The following CDH7 variants were observed in gnomAD, a reference collection of about 807,000 sequenced individuals.
CDH7 encodes the protein cadherin-7.
CDH7 carries 25 observed loss-of-function variants against 71.8 expected under a neutral mutation model. The ratio of observed to expected loss-of-function variants is 0.35; its 90% CI spans 0.25 to 0.49. The LOEUF (loss-of-function observed/expected upper bound fraction) is 0.49. CDH7 is among the 20% of genes least tolerant of loss of function. CDH7 has a pLI of 0.99. For synonymous variants in CDH7, 381 were observed against 363.8 expected (o/e 1.05, Z -0.54); for missense variants, 862 against 974.6 (o/e 0.88, Z 1.54).
At position 65,858,940 on chromosome 18, in the gene CDH7, T is replaced by A. The variant is rs1913462883; in HGVS notation, c.1388T>A (p.Val463Glu). The change falls in exon 9 of 12, where the codon GTA (valine) becomes GAA (glutamate). Residue 463 changes from valine (V) to glutamate (E), a missense_variant. Coordinates refer to ENST00000397968, the MANE Select transcript of CDH7 (RefSeq NM_004361.5). ...TATTTATTAGAGAATCCATCTCAAG[T>A]AGGAAGAGGCTATGTGGCCATCACT... ...LAMESQNPSQ[V>E]GRGYVAITIL... is the part of the protein sequence containing the mutation. 1 of 1,612,084 alleles carries A rather than the reference T, an allele frequency of 6.2e-7. No homozygotes were observed. Among genetic ancestry groups the A allele is most frequent in the Non-Finnish European group, 8.5e-7 (1 of 1,178,438 alleles).
chr18:65,786,287 G>T (rs1394368022), intron 2 of CDH7, among the ~76,000 whole-genome samples: 2 of 151,578 alleles, frequency 1.3e-5, no homozygotes, highest in African/African-American at 2.4e-5. Flanking sequence ...ATAACCAAGG[G>T]TAGATATGAG....
At chr18:65,755,825 C>A (rs947347091) in intron 1 of CDH7, among the ~76,000 whole-genome samples, 3 of 152,092 alleles carry the variant, frequency 2.0e-5, no homozygotes, top group African/African-American at 7.2e-5. Flanking sequence ...ACAGTGGCAG[C>A]TGTACTGGGG....
At chr18:65,839,391 T>C (rs1420372916) in intron 6 of CDH7, among the ~76,000 whole-genome samples, 3 of 152,114 alleles carry the variant, frequency 2.0e-5, no homozygotes, top group Non-Finnish European at 4.4e-5. Flanking sequence ...GAGGGAGCTC[T>C]CTGAGGTCTC....
chr18:65,807,120 C>T (rs985425302), intron 2 of CDH7, among the ~76,000 whole-genome samples: 7 of 151,186 alleles, frequency 4.6e-5, no homozygotes, highest in Non-Finnish European at 8.8e-5. Context: ...GGGTGGGGCA[C>T]GGCTGGGGCA....
chr18:65,862,277 A>G (rs1913591698), intron 10 of CDH7, among the ~76,000 whole-genome samples: 1 of 152,168 alleles, frequency 6.6e-6, no homozygotes, highest in Non-Finnish European at 1.5e-5. Context: ...TATCTGTGCT[A>G]TATGATGATA....
intron 6 of CDH7, among the ~76,000 whole-genome samples, chr18:65,829,304 G>T (rs1912248175): frequency 6.6e-6 from 1 of 151,962 alleles, no homozygotes; most frequent in Non-Finnish European, 1.5e-5. Context: ...ATTTTTAGTA[G>T]AGACGGGGTT....
At position 65,859,797 on chromosome 18, in the gene CDH7, C is replaced by A; in HGVS notation, c.1584C>A (p.Asn528Lys). Reference protein sequence around the residue: ...YFSLTTDATNNHNFSLKDNKD... With the variant: ...YFSLTTDATNKHNFSLKDNKD... ...GCTTAACAACGGATGCAACAAATAA[C>A]CACAACTTTTCATTGAAAGATAACA... The change falls in exon 10 of 12, where the codon AAC (asparagine) becomes AAA (lysine). Residue 528 changes from asparagine to lysine, a missense_variant. Transcript: ENST00000397968. 2 of 1,603,768 alleles carry A rather than the reference C, an allele frequency of 1.2e-6. No homozygotes were observed. Among genetic ancestry groups the A allele is most frequent in the Non-Finnish European group, 1.7e-6 (2 of 1,170,770 alleles).
chr18:65,854,932 T>TATATGTATATATAC (rs67623413), intron 7 of CDH7, among the ~76,000 whole-genome samples: 2 of 148,774 alleles, frequency 1.3e-5, no homozygotes, highest in South Asian at 4.2e-4. Flanking sequence ...TATATATATA[T>TATATGTATATATAC]ACACACACAT....
chr18:65,781,771 C>CTTTCTTTCTTTCTTTCTTTCT (rs1568181257), intron 2 of CDH7, among the ~76,000 whole-genome samples: 3 of 39,076 alleles, frequency 7.7e-5, no homozygotes, highest in Non-Finnish European at 1.0e-4. Context: ...TCTTTCTTTC[C>CTTTCTTTCTTTCTTTCTTTCT]TTCCTTCCTT....
At chr18:65,867,912 G>T (rs1161144088) in intron 11 of CDH7, among the ~76,000 whole-genome samples, 1 of 152,192 alleles carries the variant, frequency 6.6e-6, no homozygotes, top group Non-Finnish European at 1.5e-5. Flanking sequence ...TTGACAGTTA[G>T]CTGTCATGCA....
intron 11 of CDH7, among the ~76,000 whole-genome samples, chr18:65,877,395 T>C (rs1261052091): frequency 1.3e-5 from 2 of 151,968 alleles, no homozygotes; most frequent in East Asian, 3.8e-4. Flanking sequence ...ATAATTGATA[T>C]ATACTATATA....
rs567382335 is a variant in CDH7 at position 65,886,602 on chromosome 18, C to T, written c.*5708C>T. 6.6e-6 allele frequency: 1 copy of T among 152,122 alleles called. No individual in the cohort carries two copies. Among genetic ancestry groups the T allele is most frequent in the South Asian group, 2.1e-4 (1 of 4,824 alleles). The allele number at this position is 152,122 out of a possible 1,614,324, so 9.4% of individuals were successfully genotyped here. ...AGCCTCATTGATGAACACAAAACAC[C>T]AGAATAGAGAAAAAGACAATAATGA... On this transcript the variant is annotated 3_prime_UTR_variant, in exon 12 of 12. Transcript: ENST00000397968.
intron 2 of CDH7, among the ~76,000 whole-genome samples, chr18:65,780,918 G>GT (rs35645871): frequency 0.32 from 33,367 of 104,454 alleles, 5,389 homozygotes; most frequent in Middle Eastern, 0.42. Flanking sequence ...CTCTATTCCT[G>GT]TTTTTTTTTT....
intron 11 of CDH7, among the ~76,000 whole-genome samples, chr18:65,874,091 A>G (rs1347284352): frequency 6.6e-6 from 1 of 152,218 alleles, no homozygotes; most frequent in Non-Finnish European, 1.5e-5. Flanking sequence ...TGTAGAAAGC[A>G]AAGTCACTGC....
At chr18:65,840,802 C>T (rs544842543) in intron 6 of CDH7, among the ~76,000 whole-genome samples, 4 of 152,168 alleles carry the variant, frequency 2.6e-5, no homozygotes, top group East Asian at 1.9e-4. Context: ...AGTGAGAAAA[C>T]GAACTAGTAC....
At chr18:65,847,825 A>G (rs1912985247) in intron 7 of CDH7, among the ~76,000 whole-genome samples, 1 of 152,140 alleles carries the variant, frequency 6.6e-6, no homozygotes, top group Admixed American at 6.6e-5. Flanking sequence ...CAGATAGCTT[A>G]TCTAGACCAC....
At chr18:65,763,347 C>T (rs1345830843) in intron 2 of CDH7, among the ~76,000 whole-genome samples, 3 of 152,092 alleles carry the variant, frequency 2.0e-5, no homozygotes, top group African/African-American at 7.2e-5. Context: ...CATTGATAAA[C>T]TGTCGTTACC....
At chr18:65,768,234 T>A (rs370427093) in intron 2 of CDH7, among the ~76,000 whole-genome samples, 1 of 151,942 alleles carries the variant, frequency 6.6e-6, no homozygotes, top group African/African-American at 2.4e-5. Context: ...TTTTTTTTTT[T>A]ATTTTTTGGT....
chr18:65,831,809 G>GA (rs71167154), intron 6 of CDH7, among the ~76,000 whole-genome samples: 129,510 of 146,304 alleles, frequency 0.89, 57,930 homozygotes, highest in East Asian at 0.98. Flanking sequence ...AAATTCTGAA[G>GA]AAAAAAAAAA....
Sources: allele counts gnomAD v4.1 joint callset (sites outside exome capture counted in the v4.1 genomes callset), GRCh38; gene constraint gnomAD v4.1.1; transcripts MANE v1.5; gene names NCBI Gene and HGNC (gene_info 2026-07-23, HGNC 2026-07-21).